Variants in CCNJL observed in about 807,000 individuals in gnomAD.
CCNJL encodes cyclin J like, also known as cyclin-J-like protein.
CCNJL carries 33 observed loss-of-function variants against 33.4 expected under a neutral mutation model. The ratio of observed to expected loss-of-function variants is 0.99; its 90% CI spans 0.75 to 1.32. The LOEUF (loss-of-function observed/expected upper bound fraction) is 1.32. CCNJL is among the 40% of genes most tolerant of loss of function. CCNJL has a pLI of 0.00. For missense variants in CCNJL, 512 were observed against 499.7 expected (o/e 1.02, Z -0.23); for synonymous variants, 227 against 220.9 (o/e 1.03, Z -0.24).
chr5:160,323,718 TG>T (rs1465653791), intron 1 of CCNJL, among the ~76,000 whole-genome samples: 4 of 152,182 alleles, frequency 2.6e-5, no homozygotes, highest in Non-Finnish European at 2.9e-5. Context: ...GGTATATCTG[TG>T]GGGGTTTCTA....
intron 1 of CCNJL, among the ~76,000 whole-genome samples, chr5:160,318,779 A>G (rs1425154069): frequency 1.3e-5 from 2 of 152,210 alleles, no homozygotes. Flanking sequence ...TGAAATATAT[A>G]TGCATGTTCA....
chr5:160,308,385 C>T (rs1007846509), intron 2 of CCNJL, among the ~76,000 whole-genome samples: 1 of 152,184 alleles, frequency 6.6e-6, no homozygotes, highest in Admixed American at 6.5e-5. Context: ...CTGAGGCCCC[C>T]GCAAGGAAGA....
upstream of CCNJL, among the ~76,000 whole-genome samples, chr5:160,314,548 C>T (rs975008397): frequency 4.6e-5 from 7 of 152,120 alleles, no homozygotes; most frequent in Non-Finnish European, 7.3e-5. Context: ...GGCCTAGATA[C>T]TAAGACATGG....
chr5:160,253,484 A>G lies in CCNJL; in HGVS notation c.1058T>C (p.Met353Thr), dbSNP rs984575156. Residue 353 changes from methionine to threonine, a missense_variant, in exon 6 of 6, where the codon ATG becomes ACG. Coordinates refer to ENST00000257536, the MANE Select transcript of CCNJL (RefSeq NM_001308173.3). ...CPVPVPASLS[M>T]HMAIAAEPRH... The stretch of plus-strand genomic sequence containing the variant: ...GGGCTCAGCTGCAATGGCCATATGC[A>G]TGCTAAGGGATGCAGGGACGGGCAC... The G allele has an allele frequency of 1.2e-6, 2 of 1,613,972 alleles. No homozygotes were observed. Among genetic ancestry groups the G allele is most frequent in the Admixed American group, 3.3e-5 (2 of 59,992 alleles).
chr5:160,292,992 A>G (rs1285662727), intron 2 of CCNJL, among the ~76,000 whole-genome samples: 1 of 152,252 alleles, frequency 6.6e-6, no homozygotes, highest in Non-Finnish European at 1.5e-5. Context: ...CTTGCTTAAG[A>G]TCACCCAGTT....
intron 5 of CCNJL, chr5:160,254,136 C>G: frequency 2.2e-6 from 1 of 464,680 alleles, no homozygotes; most frequent in African/African-American, 2.0e-5. Flanking sequence ...TACCTGGCTT[C>G]CAGGAGGATG....
At chr5:160,295,074 G>C (rs1762711397) in intron 2 of CCNJL, 1 of 152,314 alleles carries the variant, frequency 6.6e-6, no homozygotes, top group Non-Finnish European at 1.5e-5. Context: ...TGGGTTGCCA[G>C]TTGACCACAC....
At chr5:160,301,009 T>C (rs1341941403) in intron 2 of CCNJL, among the ~76,000 whole-genome samples, 1 of 152,214 alleles carries the variant, frequency 6.6e-6, no homozygotes, top group Non-Finnish European at 1.5e-5. Flanking sequence ...TGCAAGGTTC[T>C]TAAAATCATA....
chr5:160,308,939 C>G (rs1265657312), intron 2 of CCNJL, among the ~76,000 whole-genome samples: 2 of 152,182 alleles, frequency 1.3e-5, no homozygotes, highest in Non-Finnish European at 2.9e-5. Context: ...AGAGCCAGTG[C>G]AAAGACCCTG....
chr5:160,330,224 C>T (rs1053418860), intron 1 of CCNJL, among the ~76,000 whole-genome samples: 1 of 152,184 alleles, frequency 6.6e-6, no homozygotes, highest in Non-Finnish European at 1.5e-5. Context: ...CTGGGCTGCA[C>T]ATTCATATCA....
intron 3 of CCNJL, among the ~76,000 whole-genome samples, chr5:160,275,291 G>A (rs1285339713): frequency 6.6e-6 from 1 of 151,552 alleles, no homozygotes; most frequent in African/African-American, 2.4e-5. Context: ...TCACCATGTT[G>A]GCCAGGCTGG....
chr5:160,290,735 AC>A (rs1360632588), intron 2 of CCNJL, among the ~76,000 whole-genome samples: 1 of 152,002 alleles, frequency 6.6e-6, no homozygotes, highest in Non-Finnish European at 1.5e-5. Context: ...CAGCTCTGTG[AC>A]CCCAATACCT....
intron 1 of CCNJL, among the ~76,000 whole-genome samples, chr5:160,320,869 C>CTTTCTTTCTTTCTT (rs59341829): frequency 8.3e-6 from 1 of 120,004 alleles, no homozygotes; most frequent in African/African-American, 3.3e-5. Flanking sequence ...TTCTTTCTTT[C>CTTTCTTTCTTTCTT]TCTCTTTCTT....
rs1760889363 is a variant in CCNJL at position 160,253,302 on chromosome 5, T to A, written c.*76A>T. 1 of 1,430,682 alleles carries A rather than the reference T, an allele frequency of 7.0e-7. No individual in the cohort carries two copies. The highest frequency in any genetic ancestry group is 2.3e-5 in the East Asian group (1 of 43,236). The allele number at this position is 1,430,682 out of a possible 1,614,324, so 88.6% of individuals were successfully genotyped here. On this transcript the variant is annotated 3_prime_UTR_variant, in exon 6 of 6. Coordinates refer to ENST00000257536, the MANE Select transcript of CCNJL (RefSeq NM_001308173.3). ...AGGGATGGCCTCCTGCTGCCTCACT[T>A]GGCTGAGCTCTCCTCTTCAGTGTCC...
chr5:160,333,656 C>T (rs1763640235), intron 1 of CCNJL, among the ~76,000 whole-genome samples: 2 of 152,010 alleles, frequency 1.3e-5, no homozygotes, highest in African/African-American at 2.4e-5. Flanking sequence ...CACTATAATC[C>T]CCTTAGGTGG....
At chr5:160,317,871 T>G (rs1389651969), upstream of CCNJL, among the ~76,000 whole-genome samples, 4 of 152,158 alleles carry the variant, frequency 2.6e-5, no homozygotes, top group African/African-American at 9.7e-5. Flanking sequence ...TCTTTTTTCC[T>G]CTTCCTGGTT....
intron 2 of CCNJL, among the ~76,000 whole-genome samples, chr5:160,292,657 CAT>C (rs554165587): frequency 4.9e-4 from 71 of 145,962 alleles, no homozygotes; most frequent in African/African-American, 1.6e-3. Flanking sequence ...ATATATGTAA[CAT>C]GTGTGTGTAT....
intron 2 of CCNJL, among the ~76,000 whole-genome samples, chr5:160,286,972 T>C (rs1343549461): frequency 3.9e-5 from 6 of 152,170 alleles, no homozygotes; most frequent in Admixed American, 3.9e-4. Flanking sequence ...TCAATAAATA[T>C]GTATCGAATA....
Position 160,251,201 on chromosome 5 carries a change from A to G in CCNJL, c.*2177T>C, listed in dbSNP as rs1460120716. 1 of 152,238 alleles carries G rather than the reference A, an allele frequency of 6.6e-6. No homozygotes were observed. Among genetic ancestry groups the G allele is most frequent in the African/African-American group, 2.4e-5 (1 of 41,466 alleles). 9.4% of individuals were successfully genotyped at this position (152,238 alleles called of 1,614,324 possible). On this transcript the variant is annotated 3_prime_UTR_variant, in exon 6 of 6. Transcript: ENST00000257536. ...AAGAGCAAAGATTGAGGTTTCCTGG[A>G]GAATAAATTTTGCCTCACGACTGCT...
Sources: allele counts gnomAD v4.1 joint callset (sites outside exome capture counted in the v4.1 genomes callset), GRCh38; gene constraint gnomAD v4.1.1; transcripts MANE v1.5; gene names NCBI Gene and HGNC (gene_info 2026-07-23, HGNC 2026-07-21).